Variants in LARP4B observed in about 807,000 individuals in gnomAD.
The protein encoded by LARP4B is la-related protein 4B.
In LARP4B, 12 loss-of-function variants were observed where a neutral mutation model predicts 89.8. That is an observed-to-expected ratio of 0.13 (90% CI 0.09 to 0.22). LARP4B has a LOEUF of 0.22. Ranked by LOEUF, LARP4B falls within the 10% of genes least tolerant of loss-of-function variation. LARP4B has a pLI of 1.00. For missense variants in LARP4B, 757 were observed against 947.7 expected (o/e 0.80, Z 2.64); for synonymous variants, 367 against 363.3 (o/e 1.01, Z -0.12).
At chr10:902,695 A>G (rs1836377392) in intron 1 of LARP4B, among the ~76,000 whole-genome samples, 1 of 147,500 alleles carries the variant, frequency 6.8e-6, no homozygotes, top group Non-Finnish European at 1.5e-5. Context: ...CCCAGGCTGG[A>G]GCGCAATGGT....
At chr10:916,526 T>G (rs150773943) in intron 1 of LARP4B, among the ~76,000 whole-genome samples, 3,494 of 152,102 alleles carry the variant, frequency 0.023, 59 homozygotes, top group South Asian at 0.045. Context: ...AGAAACCCCA[T>G]CTCTACTAAA....
chr10:867,570 T>A (rs956655349), intron 3 of LARP4B, among the ~76,000 whole-genome samples: 1 of 152,134 alleles, frequency 6.6e-6, no homozygotes, highest in African/African-American at 2.4e-5. Context: ...TATCAAGAAC[T>A]CCAGCGTCGG....
At chr10:830,076 G>T (rs1832822755) in intron 9 of LARP4B, among the ~76,000 whole-genome samples, 1 of 152,174 alleles carries the variant, frequency 6.6e-6, no homozygotes, top group Non-Finnish European at 1.5e-5. Context: ...TTTCAGATTA[G>T]GAGAATGCAG....
At chr10:939,173 G>C in the LARP4B span, among the ~76,000 whole-genome samples, 1 of 152,218 alleles carries the variant, frequency 6.6e-6, no homozygotes, top group Admixed American at 6.5e-5. Context: ...AAAGAGCTCT[G>C]GGTCTCCCAG....
chr10:842,804 A>C, intron 7 of LARP4B, 128 bp downstream of exon 7: 17 of 766,702 alleles, frequency 2.2e-5, no homozygotes, highest in Non-Finnish European at 3.5e-5. Flanking sequence ...AAGGAACGGA[A>C]GGCCAGAAAA....
At chr10:924,601 C>G (rs1012312137) in intron 1 of LARP4B, among the ~76,000 whole-genome samples, 1 of 152,252 alleles carries the variant, frequency 6.6e-6, no homozygotes. Flanking sequence ...CTTCCTTCAG[C>G]CTTGTTCACA....
At chr10:915,046 T>C (rs1291340365) in intron 1 of LARP4B, among the ~76,000 whole-genome samples, 3 of 152,192 alleles carry the variant, frequency 2.0e-5, no homozygotes, top group African/African-American at 7.2e-5. Flanking sequence ...ACAGCAGACT[T>C]TTCTTGGAGC....
At chr10:897,116 T>G (rs1273001582) in intron 1 of LARP4B, among the ~76,000 whole-genome samples, 2 of 151,706 alleles carry the variant, frequency 1.3e-5, no homozygotes. Context: ...ACACACTTCC[T>G]AATTTCAAAT....
At chr10:927,100 T>C (rs912774991) in intron 1 of LARP4B, among the ~76,000 whole-genome samples, 1 of 151,980 alleles carries the variant, frequency 6.6e-6, no homozygotes, top group Non-Finnish European at 1.5e-5. Flanking sequence ...ATGTACTCCA[T>C]GGTCTAGGTC....
intron 11 of LARP4B, among the ~76,000 whole-genome samples, chr10:827,766 C>T (rs1354769369): frequency 5.3e-5 from 8 of 152,206 alleles, no homozygotes; most frequent in Admixed American, 5.2e-4. Flanking sequence ...AAGCCACGTG[C>T]AGCGATGATT....
chr10:865,308 A>G (rs1379596554), intron 3 of LARP4B, among the ~76,000 whole-genome samples: 1 of 152,162 alleles, frequency 6.6e-6, no homozygotes, highest in Admixed American at 6.5e-5. Flanking sequence ...CAGCACAACA[A>G]CATGATGCCT....
At chr10:970,679 CTCAAGG>C in the LARP4B span, among the ~76,000 whole-genome samples, 1 of 152,172 alleles carries the variant, frequency 6.6e-6, no homozygotes, top group African/African-American at 2.4e-5. Context: ...TTTGATTGCT[CTCAAGG>C]TCAGAGGTGT....
At chr10:913,719 G>A (rs1245641029) in intron 1 of LARP4B, among the ~76,000 whole-genome samples, 2 of 152,162 alleles carry the variant, frequency 1.3e-5, no homozygotes, top group Non-Finnish European at 2.9e-5. Context: ...GACCAGCCAG[G>A]CCAATACAGT....
chr10:986,087 C>T, the LARP4B span: 1 of 152,186 alleles, frequency 6.6e-6, no homozygotes, highest in Non-Finnish European at 1.5e-5. Flanking sequence ...TGTAAAGGCT[C>T]CTTTCAGGCA....
Position 811,665 on chromosome 10 carries a change from AT to A in LARP4B, c.*1260del, listed in dbSNP as rs1326826369. On this transcript the variant is annotated 3_prime_UTR_variant, in exon 18 of 18. Coordinates refer to ENST00000316157, the MANE Select transcript of LARP4B (RefSeq NM_015155.3). ...AGTCTTTAAATATTGGATGGAAATA[AT>A]TTTTTCTTAAAAAAAACCCTCAGTC... The A allele has an allele frequency of 6.6e-6, 1 of 152,528 alleles. No homozygotes were observed. Among genetic ancestry groups the A allele is most frequent in the East Asian group, 1.9e-4 (1 of 5,206 alleles). 9.4% of individuals were successfully genotyped at this position (152,528 alleles called of 1,614,324 possible).
the LARP4B span, among the ~76,000 whole-genome samples, chr10:964,678 C>T: frequency 3.3e-5 from 5 of 152,278 alleles, no homozygotes; most frequent in South Asian, 2.1e-4. Context: ...AGAGTAACAC[C>T]GGGTTTCCTG....
intron 1 of LARP4B, among the ~76,000 whole-genome samples, chr10:898,398 G>A (rs917254501): frequency 2.6e-5 from 4 of 152,164 alleles, no homozygotes; most frequent in African/African-American, 9.7e-5. Context: ...ATATATCCCA[G>A]ATAACTGAAA....
chr10:835,517 C>T (rs1833163522), intron 8 of LARP4B, among the ~76,000 whole-genome samples: 1 of 152,190 alleles, frequency 6.6e-6, no homozygotes, highest in South Asian at 2.1e-4. Context: ...AACTAAGTTG[C>T]CAGCACCTTC....
At chr10:962,883 C>T in the LARP4B span, among the ~76,000 whole-genome samples, 1 of 152,128 alleles carries the variant, frequency 6.6e-6, no homozygotes, top group East Asian at 1.9e-4. Context: ...CCGGAACTCA[C>T]TCCAGAGGAG....
Sources: gnomAD v4.1 joint callset for allele counts (sites outside exome capture counted in the v4.1 genomes callset) on GRCh38, gnomAD v4.1.1 for gene constraint, MANE v1.5 for transcripts, NCBI Gene and HGNC (gene_info 2026-07-23, HGNC 2026-07-21) for gene names.